The following MRTFB variants were observed in gnomAD, a reference collection of about 807,000 sequenced individuals.
MRTFB encodes the protein myocardin related transcription factor B.
Under a neutral mutation model 104.2 loss-of-function variants are expected in MRTFB, and 29 were observed. The observed-to-expected ratio is 0.28, with a 90% CI of 0.21 to 0.38. MRTFB has a LOEUF of 0.38. Ranked by LOEUF, MRTFB falls within the 10% of genes least tolerant of loss-of-function variation. The pLI is 1.00. For synonymous variants in MRTFB, 535 were observed against 519.5 expected, an observed-to-expected ratio of 1.03 and a Z score of -0.41; for missense variants, 1,270 against 1,341.6, an observed-to-expected ratio of 0.95 and a Z score of 0.83.
chr16:14,118,548 C>T (rs2036665288), intron 2 of MRTFB, among the ~76,000 whole-genome samples: 2 of 151,588 alleles, frequency 1.3e-5, no homozygotes, highest in Non-Finnish European at 1.5e-5. Flanking sequence ...TGCCTGTAAT[C>T]CCAGCACTTT....
the MRTFB span, among the ~76,000 whole-genome samples, chr16:13,998,545 C>A: frequency 1.3e-5 from 2 of 151,870 alleles, no homozygotes; most frequent in Admixed American, 1.3e-4. Context: ...ACTCAGGAGG[C>A]CGAGGCAGAA....
intron 3 of MRTFB, among the ~76,000 whole-genome samples, chr16:14,163,338 G>A (rs2039112392): frequency 6.6e-6 from 1 of 152,100 alleles, no homozygotes; most frequent in African/African-American, 2.4e-5. Flanking sequence ...AAATATTTTA[G>A]TTTGTGGGGA....
intron 2 of MRTFB, among the ~76,000 whole-genome samples, chr16:14,116,309 A>G (rs9932428): frequency 0.027 from 4,058 of 152,164 alleles, 193 homozygotes; most frequent in African/African-American, 0.093. Flanking sequence ...GTCTTGGATT[A>G]GATTTCACTT....
rs748340508 is a variant in MRTFB at position 14,140,586 on chromosome 16, G to T, written c.-21G>T. ...GTTTAAGAGGCGTCTTACACTCCCTGTTGCCAGTGGCTGGAACACAATGGA... is the reference window on the plus strand; with the variant it reads ...GTTTAAGAGGCGTCTTACACTCCCTTTTGCCAGTGGCTGGAACACAATGGA... On this transcript the variant is annotated 5_prime_UTR_variant, in exon 3 of 17. Transcript: ENST00000571589. 4 of 1,613,890 alleles carry T rather than the reference G, an allele frequency of 2.5e-6. No homozygotes were observed. The highest frequency in any genetic ancestry group is 1.7e-5 in the Admixed American group (1 of 60,024).
chr16:14,161,085 CTTTTT>C (rs57360069), intron 3 of MRTFB, among the ~76,000 whole-genome samples: 32 of 53,118 alleles, frequency 6.0e-4, no homozygotes, highest in Non-Finnish European at 2.4e-4. Context: ...AATGCCAGGA[CTTTTT>C]TTTTTTTTTT....
the MRTFB span, among the ~76,000 whole-genome samples, chr16:14,046,335 C>T: frequency 6.6e-6 from 1 of 152,042 alleles, no homozygotes; most frequent in Non-Finnish European, 1.5e-5. Flanking sequence ...CAAAAATATA[C>T]ATATATATTT....
intron 3 of MRTFB, among the ~76,000 whole-genome samples, chr16:14,192,290 C>T (rs1028328807): frequency 1.3e-5 from 2 of 152,046 alleles, no homozygotes; most frequent in African/African-American, 2.4e-5. Flanking sequence ...GCAGGGATCC[C>T]TTGAACCCAG....
upstream of MRTFB, among the ~76,000 whole-genome samples, chr16:14,070,050 C>T (rs2033597116): frequency 6.6e-6 from 1 of 152,186 alleles, no homozygotes; most frequent in African/African-American, 2.4e-5. Flanking sequence ...CATGGGCAGG[C>T]CAGCACTTGC....
intron 13 of MRTFB, 55 bp downstream of exon 13, chr16:14,249,136 C>T (rs949951994): frequency 6.3e-7 from 1 of 1,577,956 alleles, no homozygotes; most frequent in Non-Finnish European, 8.6e-7. Flanking sequence ...ATCCTCCGAT[C>T]ATCCATTCAA....
At chr16:14,170,767 A>G (rs1002625038) in intron 3 of MRTFB, among the ~76,000 whole-genome samples, 3 of 152,146 alleles carry the variant, frequency 2.0e-5, no homozygotes, top group Non-Finnish European at 2.9e-5. Context: ...TTCCATTTGC[A>G]TTCTAGAAAT....
chr16:14,011,908 C>T, the MRTFB span, among the ~76,000 whole-genome samples: 1 of 152,306 alleles, frequency 6.6e-6, no homozygotes, highest in African/African-American at 2.4e-5. Flanking sequence ...GGAATGCTCA[C>T]AGGCATTCGT....
intron 2 of MRTFB, among the ~76,000 whole-genome samples, chr16:14,136,383 C>T (rs1271879564): frequency 6.6e-6 from 1 of 152,144 alleles, no homozygotes; most frequent in Non-Finnish European, 1.5e-5. Flanking sequence ...ACCTCTCTTC[C>T]CACTCATTGG....
the MRTFB span, among the ~76,000 whole-genome samples, chr16:14,052,780 T>G: frequency 2.0e-5 from 3 of 151,880 alleles, no homozygotes; most frequent in Non-Finnish European, 4.4e-5. Flanking sequence ...TACAATAAAT[T>G]GTTGTTAACC....
At chr16:14,158,647 G>T (rs1305079658) in intron 3 of MRTFB, among the ~76,000 whole-genome samples, 4 of 152,076 alleles carry the variant, frequency 2.6e-5, no homozygotes, top group Admixed American at 6.6e-5. Context: ...TAATGAATAT[G>T]GCTATAAAAG....
At chr16:14,218,219 C>T (rs551161318) in intron 7 of MRTFB, among the ~76,000 whole-genome samples, 4 of 152,082 alleles carry the variant, frequency 2.6e-5, no homozygotes, top group African/African-American at 7.2e-5. Context: ...GCCACATGCC[C>T]GGCTAATTTT....
At chr16:14,023,245 C>T in the MRTFB span, among the ~76,000 whole-genome samples, 1 of 151,632 alleles carries the variant, frequency 6.6e-6, no homozygotes, top group Non-Finnish European at 1.5e-5. Context: ...CAAGACCAAT[C>T]CTGGCAATAA....
intron 3 of MRTFB, among the ~76,000 whole-genome samples, chr16:14,157,017 A>G (rs1269118459): frequency 6.6e-6 from 1 of 152,214 alleles, no homozygotes; most frequent in East Asian, 1.9e-4. Flanking sequence ...GCAATGAAAT[A>G]TATCAAATTA....
At chr16:14,099,549 G>A (rs2035582054) in intron 2 of MRTFB, among the ~76,000 whole-genome samples, 1 of 151,542 alleles carries the variant, frequency 6.6e-6, no homozygotes, top group African/African-American at 2.4e-5. Context: ...ATTTTTTGTA[G>A]AGACAGGGTT....
At chr16:14,017,641 GTATA>G in the MRTFB span, among the ~76,000 whole-genome samples, 866 of 58,954 alleles carry the variant, frequency 0.015, 58 homozygotes, top group African/African-American at 0.063. Flanking sequence ...ATATATATAT[GTATA>G]TATGTGTGTG....
Sources: allele counts gnomAD v4.1 joint callset (sites outside exome capture counted in the v4.1 genomes callset), GRCh38; gene constraint gnomAD v4.1.1; transcripts MANE v1.5; gene names NCBI Gene and HGNC (gene_info 2026-07-23, HGNC 2026-07-21).